The following CNTN2 variants were observed in gnomAD, a reference collection of about 807,000 sequenced individuals.
CNTN2 encodes contactin-2.
Under a neutral mutation model 117.5 loss-of-function variants are expected in CNTN2, and 53 were observed. That is an observed-to-expected ratio of 0.45 (90% confidence interval 0.36 to 0.57). CNTN2 has a LOEUF of 0.57. Among genes scored for constraint, CNTN2 ranks in the 20% least tolerant of loss-of-function variants. The pLI, the probability that CNTN2 is intolerant of heterozygous loss-of-function variation, is 0.00. For missense variants in CNTN2, 1,106 were observed against 1,404.3 expected (o/e 0.79, Z 3.39); for synonymous variants, 530 against 561.7 (o/e 0.94, Z 0.80).
intron 14 of CNTN2, 158 bp from the exon 15 acceptor site, chr1:205,066,283 C>CCTGT: frequency 1.2e-6 from 1 of 827,282 alleles, no homozygotes; most frequent in South Asian, 1.8e-5. Flanking sequence ...CCCCAACTGC[C>CCTGT]CACACCCCTT....
chr1:205,054,840 C>T (rs1369623875), intron 2 of CNTN2, among the ~76,000 whole-genome samples: 1 of 152,180 alleles, frequency 6.6e-6, no homozygotes, highest in Admixed American at 6.5e-5. Context: ...GATCCCTCTC[C>T]ACCTTCTCAT....
chr1:205,073,029 G>C lies in CNTN2; in HGVS notation c.2845-39G>C, dbSNP rs747416322. 1.1e-5 allele frequency: 17 copies of C among 1,610,000 alleles called. No homozygotes were observed. The Admixed American group carries it at 1.3e-4, about 13-fold the overall frequency. On this transcript the variant is annotated intron_variant, in intron 21 of 22. Transcript: ENST00000331830. The surrounding 1 kb of genome is among the most constrained non-coding windows in gnomAD (Gnocchi z 6.3). ...TGGGGATGACTCAACGATCAGCCCT[G>C]GTGTCAGGAAACTCCACCTGGAAAC...
chr1:205,061,753 T>C lies in CNTN2; in HGVS notation c.974-112T>C. ...TGTCCTCTCCATCTCAGAATGCTCATGGCGCCCTCTGCTGTCTGGCACAGG... is the reference window on the plus strand; with the variant it reads ...TGTCCTCTCCATCTCAGAATGCTCACGGCGCCCTCTGCTGTCTGGCACAGG... On this transcript the variant is annotated intron_variant, in intron 8 of 22. Transcript: ENST00000331830. The surrounding 1 kb of genome is among the most constrained non-coding windows in gnomAD (Gnocchi z 4.8). 2 of 1,341,890 alleles carry C rather than the reference T, an allele frequency of 1.5e-6. No individual in the cohort carries two copies. Among genetic ancestry groups the C allele is most frequent in the Non-Finnish European group, 2.0e-6 (2 of 993,518 alleles). The allele number at this position is 1,341,890 out of a possible 1,614,324, so 83.1% of individuals were successfully genotyped here. A position where few individuals can be genotyped will look rare whatever the true frequency, so the allele number is the denominator to read the frequency against.
intron 20 of CNTN2, 145 bp downstream of exon 20, chr1:205,072,278 A>T: frequency 1.1e-6 from 1 of 909,754 alleles, no homozygotes. Context: ...CCTAATGGAA[A>T]TAAGGGAATG....
chr1:205,073,746 T>C lies in CNTN2; in HGVS notation c.3104T>C (p.Ile1035Thr), dbSNP rs747405609. ...ISHSVAMLIL[I>T]GSLEL ...CACTCCGTGGCGATGCTGATCCTCATAGGCTCCCTGGAGCTCTGATCCTGG... is the reference window on the plus strand; with the variant it reads ...CACTCCGTGGCGATGCTGATCCTCACAGGCTCCCTGGAGCTCTGATCCTGG... The change falls in exon 23 of 23, where the codon ATA (isoleucine) becomes ACA (threonine). Residue 1035 changes from isoleucine (I) to threonine (T), a missense_variant. Physicochemically the swap from Ile to Thr is moderately conservative, Grantham distance 89. Transcript: ENST00000331830. This position sits in a 1 kb window ranked among gnomAD's most constrained non-coding sequence, Gnocchi z 6.3. The C allele has an allele frequency of 4.0e-5, 65 of 1,613,732 alleles. No individual in the cohort carries two copies. Among genetic ancestry groups the C allele is most frequent in the Non-Finnish European group, 5.2e-5 (61 of 1,179,980 alleles).
chr1:205,043,784 G>A (rs993082219), intron 1 of CNTN2, among the ~76,000 whole-genome samples: 1 of 152,196 alleles, frequency 6.6e-6, no homozygotes, highest in African/African-American at 2.4e-5. Flanking sequence ...CAGGCCCTGG[G>A]CCCTGGCCTG....
intron 1 of CNTN2, among the ~76,000 whole-genome samples, chr1:205,045,770 AG>A (rs1355849334): frequency 6.6e-6 from 1 of 152,208 alleles, no homozygotes; most frequent in Non-Finnish European, 1.5e-5. Context: ...GTTAGACTGC[AG>A]GAGACACTTC....
chr1:205,071,203 G>C (rs1238633969), intron 19 of CNTN2, among the ~76,000 whole-genome samples: 1 of 152,184 alleles, frequency 6.6e-6, no homozygotes, highest in Admixed American at 6.5e-5. Flanking sequence ...AACAGCCTGA[G>C]CCGCTCTATG....
chr1:205,062,402 G>T, intron 9 of CNTN2, 38 bp from the exon 10 acceptor site: 1 of 1,584,074 alleles, frequency 6.3e-7, no homozygotes, highest in South Asian at 1.2e-5. Flanking sequence ...TGGCTCCTGT[G>T]GTCCTGATCC....
At position 205,061,026 on chromosome 1, in the gene CNTN2, A is replaced by C; in HGVS notation, c.798-219A>C. 1 of 513,656 alleles carries C rather than the reference A, an allele frequency of 1.9e-6. No homozygotes were observed. Among genetic ancestry groups the C allele is most frequent in the East Asian group, 3.3e-5 (1 of 30,034 alleles). The allele number at this position is 513,656 out of a possible 1,614,324, so 31.8% of individuals were successfully genotyped here. On this transcript the variant is annotated intron_variant, in intron 7 of 22. Transcript: ENST00000331830. The surrounding 1 kb of genome is among the most constrained non-coding windows in gnomAD (Gnocchi z 4.8). The stretch of plus-strand genomic sequence containing the variant: ...TGGCTCCAGGGTTGTTGCAGGGGGG[A>C]TGGGTAGAGCAGCCCTGCCTCTTGC...
chr1:205,059,156 A>G lies in CNTN2; in HGVS notation c.560A>G (p.Gln187Arg). Residue 187 changes from glutamine (Q) to arginine (R), a missense_variant, in exon 6 of 23, where the codon CAG becomes CGG. Transcript: ENST00000331830. The surrounding 1 kb of genome is among the most constrained non-coding windows in gnomAD (Gnocchi z 5.6). ...IPTDGRHFVS[Q>R]TTGNLYIART... ...ACGGACGGGCGTCACTTCGTGTCCC[A>G]GACCACAGGGAACCTGTACATTGCC... The G allele has an allele frequency of 6.2e-7, 1 of 1,614,200 alleles. No individual in the cohort carries two copies. Among genetic ancestry groups the G allele is most frequent in the South Asian group, 1.1e-5 (1 of 91,084 alleles).
In CNTN2 at chr1:205,074,894, G is replaced by A. The variant is rs189048534; in HGVS notation, c.*1129G>A. The A allele has an allele frequency of 1.6e-4, 65 of 398,570 alleles. No homozygotes were observed. Among genetic ancestry groups the A allele is most frequent in the Non-Finnish European group, 7.1e-5 (16 of 226,084 alleles). 24.7% of individuals were successfully genotyped at this position (398,570 alleles called of 1,614,324 possible). A position where few individuals can be genotyped will look rare whatever the true frequency, so the allele number is the denominator to read the frequency against. On this transcript the variant is annotated 3_prime_UTR_variant, in exon 23 of 23. Transcript: ENST00000331830. Reference sequence around the variant, plus strand: ...CACCTGGCCAGATCCGCTCCCAGACGGCCTTGGACTGCTTGCATTTCCCCG... The same window carrying A: ...CACCTGGCCAGATCCGCTCCCAGACAGCCTTGGACTGCTTGCATTTCCCCG...
At position 205,058,008 on chromosome 1, in the gene CNTN2, C is replaced by T. The variant is rs369804751; in HGVS notation, c.158C>T (p.Thr53Met). 2.9e-5 allele frequency: 46 copies of T among 1,614,024 alleles called. 1 individual carries two copies. The highest frequency in any genetic ancestry group is 3.3e-4 in the Middle Eastern group (2 of 6,080). ...AGTGTGCTATTCCCAGAGGAGTCCA[C>T]GGAGGAGCAGGTGTTGCTGGCATGC... is the stretch of plus-strand genomic sequence containing the variant. Reference protein sequence around the residue: ...PLSVLFPEESTEEQVLLACRA... With the variant: ...PLSVLFPEESMEEQVLLACRA... The change falls in exon 3 of 23, where the codon ACG becomes ATG. Residue 53 changes from threonine to methionine, a missense_variant. By Grantham distance (81) the Thr-to-Met change is moderately conservative. Coordinates refer to ENST00000331830, the MANE Select transcript of CNTN2 (RefSeq NM_005076.5). The surrounding 1 kb of genome is among the most constrained non-coding windows in gnomAD (Gnocchi z 4.3).
In CNTN2 at chr1:205,059,402, T is replaced by C. The variant is rs1026918287; in HGVS notation, c.697+109T>C. On this transcript the variant is annotated intron_variant, in intron 6 of 22. Coordinates refer to ENST00000331830, the MANE Select transcript of CNTN2 (RefSeq NM_005076.5). The surrounding 1 kb of genome is among the most constrained non-coding windows in gnomAD (Gnocchi z 5.6). The stretch of plus-strand genomic sequence containing the variant: ...GGAAGATCAGCTTGCAGGGCACTGA[T>C]TCCAGGCCCTGGACCCCCAGATCCT... 6 of 1,235,344 alleles carry C rather than the reference T, an allele frequency of 4.9e-6. No individual in the cohort carries two copies. The highest frequency in any genetic ancestry group is 6.9e-6 in the Non-Finnish European group (6 of 869,578). The allele number at this position is 1,235,344 out of a possible 1,614,324, so 76.5% of individuals were successfully genotyped here.
At chr1:205,066,987 G>A (rs1247177549) in intron 15 of CNTN2, 114 bp from the exon 16 acceptor site, 1 of 1,309,300 alleles carries the variant, frequency 7.6e-7, no homozygotes, top group East Asian at 2.4e-5. Flanking sequence ...CTTAGTATAT[G>A]GCAAGTACCG....
Position 205,066,419 on chromosome 1 carries a change from GTGCTC to G in CNTN2, c.1817-19_1817-15del. 5.0e-6 allele frequency: 8 copies of G among 1,611,200 alleles called. No homozygotes were observed. Among genetic ancestry groups the G allele is most frequent in the Non-Finnish European group, 6.8e-6 (8 of 1,178,480 alleles). On this transcript the variant is annotated splice_polypyrimidine_tract_variant and intron_variant, in intron 14 of 22. Transcript: ENST00000331830. ...GGAAGCTGCCCAATTCTGACCCACT[GTGCTC>G]TGACCTCTTGGTGCAGGTCCGCCAG...
chr1:205,067,295 C>A (rs370179573), intron 16 of CNTN2, 45 bp downstream of exon 16: 65 of 1,583,070 alleles, frequency 4.1e-5, no homozygotes, highest in Non-Finnish European at 5.2e-5. Context: ...AGGGCAGAGA[C>A]CCTGGCACCA....
Position 205,077,046 on chromosome 1 carries a change from T to G in CNTN2, c.*3281T>G, listed in dbSNP as rs1250740659. 1 of 152,194 alleles carries G rather than the reference T, an allele frequency of 6.6e-6. No individual in the cohort carries two copies. The highest frequency in any genetic ancestry group is 2.4e-5 in the African/African-American group (1 of 41,424). 9.4% of individuals were successfully genotyped at this position (152,194 alleles called of 1,614,324 possible). ...GGGAGCTTTGAGGAATTTTGACAGC[T>G]GTTGACATGGGATTTGGGAAAGGTG... is the stretch of plus-strand genomic sequence containing the variant. On this transcript the variant is annotated 3_prime_UTR_variant, in exon 23 of 23. Transcript: ENST00000331830.
At chr1:205,067,509 T>C in intron 16 of CNTN2, 2 of 373,866 alleles carry the variant, frequency 5.3e-6, no homozygotes, top group Non-Finnish European at 9.5e-6. Flanking sequence ...TTAAGTTTAA[T>C]TTTTAAAAGT....
Sources: allele counts gnomAD v4.1 joint callset (sites outside exome capture counted in the v4.1 genomes callset), GRCh38; gene constraint gnomAD v4.1.1; non-coding constraint Gnocchi (gnomAD v3.1); transcripts MANE v1.5; gene names NCBI Gene and HGNC (gene_info 2026-07-23, HGNC 2026-07-21).